TG: variants seen among roughly 807,000 people sequenced by gnomAD.
TG encodes the protein thyroglobulin.
A neutral mutation model predicts 324.7 loss-of-function variants in TG; 270 were observed. The ratio of observed to expected loss-of-function variants is 0.83; its 90% CI spans 0.75 to 0.92. TG has a LOEUF of 0.92. Among genes scored for constraint, TG ranks in the 40% least tolerant of loss-of-function variants. The probability of loss-of-function intolerance (pLI) is 0.00; values close to 1 mark genes in which losing one functional copy is unlikely to be tolerated. For missense variants in TG, 3,591 were observed against 3,456.4 expected (o/e 1.04, Z -0.98); for synonymous variants, 1,401 against 1,327.0 (o/e 1.06, Z -1.21).
At chr8:132,871,707 C>G (rs1215407635) in intron 4 of TG, among the ~76,000 whole-genome samples, 156 bp downstream of exon 4, 1 of 152,252 alleles carries the variant, frequency 6.6e-6, no homozygotes, top group African/African-American at 2.4e-5. Flanking sequence ...TTTTATTATT[C>G]TCATATTTCC....
At chr8:132,972,286 G>A (rs1013556214) in intron 33 of TG, 7 of 484,352 alleles carry the variant, frequency 1.4e-5, no homozygotes, top group Non-Finnish European at 2.2e-5. Flanking sequence ...CTGTATATAG[G>A]GCTACCAAAG....
intron 41 of TG, among the ~76,000 whole-genome samples, chr8:133,077,735 A>ATG (rs34749093): frequency 0.019 from 2,791 of 148,006 alleles, 53 homozygotes; most frequent in African/African-American, 0.045. Context: ...TCTGGTGTGT[A>ATG]TGTGTGTGTG....
chr8:133,112,934 T>C (rs1306714766), intron 43 of TG, among the ~76,000 whole-genome samples: 2 of 152,178 alleles, frequency 1.3e-5, no homozygotes, highest in African/African-American at 4.8e-5. Flanking sequence ...GAAGCGTAAC[T>C]ATCTGTATGA....
intron 20 of TG, among the ~76,000 whole-genome samples, chr8:132,915,183 T>C (rs181327741): frequency 1.2e-3 from 176 of 152,284 alleles, no homozygotes; most frequent in African/African-American, 4.0e-3. Flanking sequence ...ATGTACCACA[T>C]GGGTCTGGAA....
rs1851979717 is a variant in TG at position 133,131,980 on chromosome 8, C to T, written c.7997+34C>T. On this transcript the variant is annotated intron_variant, in intron 46 of 47. Coordinates refer to ENST00000220616, the MANE Select transcript of TG (RefSeq NM_003235.5). ...GGACCACTTGTTCAGAATTCTGTCA[C>T]TGTGCTTTTCCTCCCGCTTCCTTCA... 5 of 1,613,760 alleles carry T rather than the reference C, an allele frequency of 3.1e-6. No individual in the cohort carries two copies. In the East Asian group the frequency reaches 8.9e-5, roughly 29 times the overall value.
chr8:132,875,792 G>A (rs1056665594), intron 5 of TG, among the ~76,000 whole-genome samples: 34 of 152,296 alleles, frequency 2.2e-4, no homozygotes, highest in African/African-American at 8.2e-4. Flanking sequence ...GTATTGAAAG[G>A]TCATGGGAAG....
intron 24 of TG, among the ~76,000 whole-genome samples, chr8:132,934,316 C>T (rs988278938): frequency 2.0e-5 from 3 of 148,190 alleles, no homozygotes; most frequent in Non-Finnish European, 4.5e-5. Context: ...GCTTGGGCTG[C>T]AGAGTGAAGA....
At chr8:132,995,573 G>A (rs140632728) in intron 35 of TG, 12 of 966,900 alleles carry the variant, frequency 1.2e-5, no homozygotes, top group African/African-American at 1.1e-4. Context: ...TTTTGCCCAC[G>A]CACCCAGGAT....
chr8:133,065,866 A>G (rs1297028742), intron 41 of TG, among the ~76,000 whole-genome samples: 2 of 152,198 alleles, frequency 1.3e-5, no homozygotes, highest in African/African-American at 2.4e-5. Context: ...CTTTAATACA[A>G]TGGAGGCCCT....
intron 27 of TG, among the ~76,000 whole-genome samples, chr8:132,955,332 T>C (rs1163983608): frequency 1.3e-5 from 2 of 152,224 alleles, no homozygotes; most frequent in African/African-American, 4.8e-5. Flanking sequence ...CCCATCTTGC[T>C]ATCCTTGGCA....
intron 22 of TG, among the ~76,000 whole-genome samples, chr8:132,926,564 AT>A (rs1821896261): frequency 6.6e-6 from 1 of 152,138 alleles, no homozygotes; most frequent in Admixed American, 6.5e-5. Flanking sequence ...GAATGAATAA[AT>A]TTCTCTAGTT....
chr8:132,972,342 A>G (rs1407485333), intron 33 of TG: 12 of 557,530 alleles, frequency 2.2e-5, no homozygotes, highest in Admixed American at 1.9e-4. Context: ...AAGTGATACC[A>G]ACAGAGACCT....
At chr8:132,955,229 G>T (rs1473594930) in intron 27 of TG, among the ~76,000 whole-genome samples, 1 of 152,168 alleles carries the variant, frequency 6.6e-6, no homozygotes, top group Non-Finnish European at 1.5e-5. Context: ...ATGAAAGCAA[G>T]TCTCCAAATT....
At chr8:132,983,692 T>G (rs943815151) in intron 35 of TG, 4 of 531,066 alleles carry the variant, frequency 7.5e-6, no homozygotes, top group Non-Finnish European at 1.4e-5. Context: ...AGTTTTCATT[T>G]TAAGGATTAT....
chr8:132,988,864 C>T, intron 35 of TG: 2 of 985,382 alleles, frequency 2.0e-6, no homozygotes, highest in Non-Finnish European at 2.4e-6. Context: ...ATTCAGCTTG[C>T]CATTCTCTAT....
chr8:132,941,019 T>C (rs1481200605), intron 25 of TG, among the ~76,000 whole-genome samples: 17 of 152,254 alleles, frequency 1.1e-4, no homozygotes, highest in Admixed American at 1.1e-3. Context: ...AGGGTCTGTG[T>C]ATATACTTAC....
chr8:132,946,626 G>A (rs1048988615), intron 26 of TG, among the ~76,000 whole-genome samples: 1 of 151,924 alleles, frequency 6.6e-6, no homozygotes, highest in Non-Finnish European at 1.5e-5. Context: ...CTCCCAACAA[G>A]TCTCTAGCCT....
Position 132,886,722 on chromosome 8 carries a change from C to G in TG, c.1350C>G (p.Ser450=). 1 of 1,614,186 alleles carries G rather than the reference C, an allele frequency of 6.2e-7. No individual in the cohort carries two copies. Among genetic ancestry groups the G allele is most frequent in the Non-Finnish European group, 8.5e-7 (1 of 1,180,034 alleles). ...AAGCCATCCGAGCAATTTTTCCCTC[C>G]CGAGGGCTGGCTCGTCTTGCCCTTC... The part of the protein sequence containing the change: ...LKEAIRAIFP[S]RGLARLALQF... Residue 450 remains serine, a synonymous_variant, in exon 9 of 48, where the codon TCC becomes TCG. Transcript: ENST00000220616.
intron 24 of TG, 149 bp from the exon 25 acceptor site, chr8:132,935,607 C>T: frequency 2.8e-6 from 2 of 713,870 alleles, no homozygotes; most frequent in Non-Finnish European, 5.1e-6. Context: ...CAAGTTACTG[C>T]TTACACATCT....
Sources: allele counts gnomAD v4.1 joint callset (sites outside exome capture counted in the v4.1 genomes callset), GRCh38; gene constraint gnomAD v4.1.1; transcripts MANE v1.5; gene names NCBI Gene and HGNC (gene_info 2026-07-23, HGNC 2026-07-21).